Variants in RTCB observed in about 807,000 individuals in gnomAD.
RTCB encodes the protein RNA-splicing ligase RTCB.
Under a neutral mutation model 58.2 loss-of-function variants are expected in RTCB, and 32 were observed. The observed-to-expected ratio is 0.55, with a 90% CI of 0.41 to 0.74. RTCB has a LOEUF of 0.74. Among genes scored for constraint, RTCB ranks in the 30% least tolerant of loss-of-function variants. The pLI is 0.00. For missense variants in RTCB, 523 were observed against 639.0 expected, an observed-to-expected ratio of 0.82 and a Z score of 1.96; for synonymous variants, 247 against 218.6, an observed-to-expected ratio of 1.13 and a Z score of -1.15.
At chr22:32,398,132 T>G (rs747114147) in intron 6 of RTCB, 32 bp from the exon 7 acceptor site, 1 of 1,584,760 alleles carries the variant, frequency 6.3e-7, no homozygotes, top group Non-Finnish European at 8.5e-7. Flanking sequence ...GTAAGATAGT[T>G]TTTATTCCAG....
In RTCB at chr22:32,387,998, T is replaced by C; in HGVS notation, c.1512A>G (p.Lys504=). Residue 504 remains lysine, a synonymous_variant, in exon 12 of 12, where the codon AAA becomes AAG. Coordinates refer to ENST00000216038, the MANE Select transcript of RTCB (RefSeq NM_014306.5). ...AIKLRPIAVI[K]G is the part of the protein sequence containing the mutation. ...AGCCCTGCTGTCCAAGGTTCTATCC[T>C]TTGATCACAGCAATTGGTCTCAGTT... 6.2e-7 allele frequency: 1 copy of C among 1,609,504 alleles called. No homozygotes were observed. The highest frequency in any genetic ancestry group is 8.5e-7 in the Non-Finnish European group (1 of 1,175,790).
At chr22:32,390,979 T>G (rs760204661) in intron 11 of RTCB, among the ~76,000 whole-genome samples, 3 of 152,080 alleles carry the variant, frequency 2.0e-5, no homozygotes, top group Non-Finnish European at 4.4e-5. Context: ...GTCTCCTGAG[T>G]TGCTAGGACT....
At chr22:32,405,593 C>T (rs1933406273) in intron 4 of RTCB, among the ~76,000 whole-genome samples, 1 of 152,166 alleles carries the variant, frequency 6.6e-6, no homozygotes, top group African/African-American at 2.4e-5. Context: ...CTCCAAACAG[C>T]CCTACATGTA....
chr22:32,390,188 T>C (rs534772484), intron 11 of RTCB, among the ~76,000 whole-genome samples: 21 of 152,330 alleles, frequency 1.4e-4, no homozygotes, highest in Non-Finnish European at 2.6e-4. Context: ...ATTAACACAC[T>C]GTATGTTTTA....
chr22:32,399,646 G>A lies in RTCB; in HGVS notation c.611C>T (p.Pro204Leu). 6.2e-7 allele frequency: 1 copy of A among 1,613,746 alleles called. No homozygotes were observed. Residue 204 changes from proline to leucine, a missense_variant, in exon 6 of 12, where the codon CCC becomes CTC. Around this residue, in one of 3 missense-constraint regions of RTCB, gnomAD observed 141 missense variants for 216.7 expected, o/e 0.65. Coordinates refer to ENST00000216038, the MANE Select transcript of RTCB (RefSeq NM_014306.5). Reference sequence around the variant, plus strand: ...CTTCGCCCTTGCAGAAACTTTATTGGGGTCAGCCTGCAGCATCCTTCCGTA... The same window carrying A: ...CTTCGCCCTTGCAGAAACTTTATTGAGGTCAGCCTGCAGCATCCTTCCGTA... ...EEYGRMLQAD[P>L]NKVSARAKKR...
chr22:32,400,749 AT>A (rs1273801848), intron 5 of RTCB, among the ~76,000 whole-genome samples: 1 of 152,156 alleles, frequency 6.6e-6, no homozygotes, highest in East Asian at 1.9e-4. Flanking sequence ...AGCTAAAAAC[AT>A]TTTTTTCTAT....
chr22:32,404,009 C>T (rs1243046086), intron 4 of RTCB, among the ~76,000 whole-genome samples: 4 of 152,228 alleles, frequency 2.6e-5, no homozygotes, highest in African/African-American at 9.6e-5. Flanking sequence ...GGCAGGATTC[C>T]CTGTCTTTTC....
chr22:32,392,597 T>A, intron 10 of RTCB: 1 of 653,790 alleles, frequency 1.5e-6, no homozygotes, highest in Non-Finnish European at 2.8e-6. Context: ...GCAGCATCCC[T>A]CGCCTCTAAG....
intron 4 of RTCB, 45 bp downstream of exon 4, chr22:32,406,617 G>A (rs1354423765): frequency 7.8e-6 from 11 of 1,402,336 alleles, no homozygotes; most frequent in South Asian, 4.6e-5. Context: ...CACCGTGCCC[G>A]GCCAATGCTA....
chr22:32,393,370 C>A (rs1041820344), intron 10 of RTCB, among the ~76,000 whole-genome samples: 5 of 152,138 alleles, frequency 3.3e-5, no homozygotes, highest in African/African-American at 1.2e-4. Flanking sequence ...TACGGTCTGG[C>A]CCTTTATGGG....
At chr22:32,389,436 A>G (rs1292890865) in intron 11 of RTCB, among the ~76,000 whole-genome samples, 1 of 152,116 alleles carries the variant, frequency 6.6e-6, no homozygotes, top group Non-Finnish European at 1.5e-5. Flanking sequence ...CAGTGGCACA[A>G]TCATAGCTCA....
intron 6 of RTCB, among the ~76,000 whole-genome samples, chr22:32,399,164 G>A (rs753013656): frequency 1.3e-5 from 2 of 152,038 alleles, no homozygotes; most frequent in African/African-American, 2.4e-5. Flanking sequence ...GCAAGCTCCT[G>A]ATTGCTCTGT....
intron 11 of RTCB, among the ~76,000 whole-genome samples, chr22:32,390,980 T>G (rs1476511523): frequency 6.6e-6 from 1 of 152,116 alleles, no homozygotes; most frequent in African/African-American, 2.4e-5. Context: ...TCTCCTGAGT[T>G]GCTAGGACTA....
intron 5 of RTCB, among the ~76,000 whole-genome samples, chr22:32,401,094 T>TG (rs1053386206): frequency 1.2e-4 from 18 of 151,146 alleles, no homozygotes; most frequent in Non-Finnish European, 1.9e-4. Context: ...TACTAAGTTT[T>TG]TTTTTTTTTT....
At chr22:32,403,458 T>C (rs1401028985) in intron 4 of RTCB, among the ~76,000 whole-genome samples, 1 of 152,212 alleles carries the variant, frequency 6.6e-6, no homozygotes, top group Non-Finnish European at 1.5e-5. Flanking sequence ...ACAATGTACA[T>C]TTACATTGTG....
intron 2 of RTCB, among the ~76,000 whole-genome samples, 171 bp downstream of exon 2, chr22:32,408,584 G>A (rs1933466903): frequency 1.3e-5 from 2 of 152,288 alleles, no homozygotes; most frequent in South Asian, 2.1e-4. Context: ...GTTCTATAAC[G>A]CCAACTGGCT....
intron 4 of RTCB, among the ~76,000 whole-genome samples, chr22:32,402,804 G>A (rs1933359871): frequency 6.6e-6 from 1 of 152,120 alleles, no homozygotes; most frequent in Non-Finnish European, 1.5e-5. Flanking sequence ...GAAGTGCAGT[G>A]GAGTAATCAT....
At chr22:32,393,022 A>C (rs934254222) in intron 10 of RTCB, among the ~76,000 whole-genome samples, 3 of 152,194 alleles carry the variant, frequency 2.0e-5, no homozygotes, top group Admixed American at 6.5e-5. Flanking sequence ...CTGCAGCCTT[A>C]ATCTCCTGGG....
intron 10 of RTCB, among the ~76,000 whole-genome samples, chr22:32,392,917 C>A (rs1162943077): frequency 6.6e-6 from 1 of 152,148 alleles, no homozygotes; most frequent in Non-Finnish European, 1.5e-5. Context: ...CAAATATGGC[C>A]CACCACCTGC....
Sources: allele counts gnomAD v4.1 joint callset (sites outside exome capture counted in the v4.1 genomes callset), GRCh38; gene constraint gnomAD v4.1.1; regional missense constraint gnomAD v4.1.1; transcripts MANE v1.5; gene names NCBI Gene and HGNC (gene_info 2026-07-23, HGNC 2026-07-21).